TAF15: variants seen among roughly 807,000 people sequenced by gnomAD.
The protein encoded by TAF15 is TATA-binding protein-associated factor 2N.
In TAF15, 37 loss-of-function variants were observed where a neutral mutation model predicts 102.5. That is an observed-to-expected ratio of 0.36 (90% CI 0.28 to 0.47). The LOEUF is 0.47. TAF15 is among the 20% of genes least tolerant of loss of function. The pLI, the probability that TAF15 is intolerant of heterozygous loss-of-function variation, is 0.99. For missense variants in TAF15, 652 were observed against 760.7 expected (o/e 0.86, Z 1.68); for synonymous variants, 273 against 259.2 (o/e 1.05, Z -0.51).
intron 1 of TAF15, among the ~76,000 whole-genome samples, chr17:35,814,628 G>A (rs1369414950): frequency 2.0e-5 from 3 of 151,910 alleles, no homozygotes; most frequent in South Asian, 2.1e-4. Context: ...CGAGGCGGGC[G>A]GTTCACCTGA....
Position 35,812,566 on chromosome 17 carries a change from CAA to C in TAF15, c.7+2991_7+2992del, listed in dbSNP as rs1212716071. On this transcript the variant is annotated intron_variant, in intron 1 of 15. Transcript: ENST00000605844. ...CGCCATTGCACTCCAGCCTGGGGAA[CAA>C]GAGAAACTCTATCTCAAAAAAAAAA... 5.7e-5 allele frequency among the ~76,000 whole-genome samples: 4 copies of C among 70,342 alleles called. No homozygotes were observed. In the Admixed American group the frequency reaches 8.7e-4, roughly 15 times the overall value. 46.1% of individuals were successfully genotyped at this position (70,342 alleles called of 152,430 possible).
chr17:35,844,138 G>A lies in TAF15; in HGVS notation c.1068G>A (p.Gly356=). The change falls in exon 13 of 16, where the codon GGG becomes GGA. Residue 356 remains glycine (G), a synonymous_variant. Transcript: ENST00000605844. ...GGAGAGGTGGAGACCCCAAAAGTGG[G>A]GATTGGGTTTGCCCTAATCCGTAAG... The part of the protein sequence containing the change: ...FQGRGGDPKS[G]DWVCPNPSCG... 1 of 1,614,050 alleles carries A rather than the reference G, an allele frequency of 6.2e-7. No homozygotes were observed. The highest frequency in any genetic ancestry group is 8.5e-7 in the Non-Finnish European group (1 of 1,179,996).
In TAF15 at chr17:35,844,874, C is replaced by G. The variant is rs200860217; in HGVS notation, c.1575C>G (p.Asp525Glu). 6.2e-7 allele frequency: 1 copy of G among 1,609,622 alleles called. No homozygotes were observed. Among genetic ancestry groups the G allele is most frequent in the African/African-American group, 1.4e-5 (1 of 73,408 alleles). The change falls in exon 15 of 16, where the codon GAC becomes GAG. Residue 525 changes from aspartate (D) to glutamate (E), a missense_variant. By Grantham distance (45) the Asp-to-Glu change is conservative (BLOSUM62 2). Transcript: ENST00000605844. The stretch of plus-strand genomic sequence containing the variant: ...GAGATCGAGGAGGCTATGGAGGAGA[C>G]AGAAGCCGGGGGGGCTATGGAGGAG... Reference protein sequence around the residue: ...YGGDRGGYGGDRSRGGYGGDR... With the variant: ...YGGDRGGYGGERSRGGYGGDR...
intron 7 of TAF15, among the ~76,000 whole-genome samples, chr17:35,828,063 T>G (rs550075564): frequency 2.0e-5 from 3 of 152,342 alleles, no homozygotes; most frequent in African/African-American, 7.2e-5. Flanking sequence ...TGCCAGAACT[T>G]AATAAATAAT....
intron 5 of TAF15, among the ~76,000 whole-genome samples, chr17:35,821,015 G>C (rs1236729941): frequency 1.3e-5 from 2 of 152,084 alleles, no homozygotes; most frequent in Non-Finnish European, 2.9e-5. Flanking sequence ...TTTACATTCT[G>C]TGAAATGCTT....
chr17:35,837,199 T>C (rs1023274970), intron 10 of TAF15, among the ~76,000 whole-genome samples: 2 of 152,292 alleles, frequency 1.3e-5, no homozygotes. Flanking sequence ...CCATCCAGGC[T>C]GGAGTACAGT....
intron 7 of TAF15, among the ~76,000 whole-genome samples, chr17:35,830,530 T>TG: frequency 6.6e-6 from 1 of 152,356 alleles, no homozygotes; most frequent in South Asian, 2.1e-4. Context: ...GTAACATTAA[T>TG]GCAGATTTGA....
chr17:35,813,996 T>G (rs2087160135), intron 1 of TAF15, among the ~76,000 whole-genome samples: 1 of 133,824 alleles, frequency 7.5e-6, no homozygotes, highest in Non-Finnish European at 1.6e-5. Flanking sequence ...GTTTTTTTTG[T>G]TGTTGTTGTT....
At chr17:35,833,980 C>G in intron 8 of TAF15, 39 bp downstream of exon 8, 1 of 1,608,728 alleles carries the variant, frequency 6.2e-7, no homozygotes, top group Non-Finnish European at 8.5e-7. Flanking sequence ...AGTGGAAATG[C>G]TATATAAATC....
At chr17:35,814,433 G>T (rs1020142349) in intron 1 of TAF15, among the ~76,000 whole-genome samples, 7 of 151,868 alleles carry the variant, frequency 4.6e-5, no homozygotes, top group Non-Finnish European at 8.8e-5. Flanking sequence ...CTCCCAAAGT[G>T]CTGGGATTAC....
rs2143833368 is a variant in TAF15 at position 35,844,634 on chromosome 17, C to G, written c.1335C>G (p.Gly445=). The change falls in exon 15 of 16, where the codon GGC becomes GGG. Residue 445 remains glycine (G), a synonymous_variant. Coordinates refer to ENST00000605844, the MANE Select transcript of TAF15 (RefSeq NM_139215.3). ...ACAGCGGAGATAGAAGTGGGGGCGGCTATGGTGGAGACAGAAGTGGGGGTG... is the reference window on the plus strand; with the variant it reads ...ACAGCGGAGATAGAAGTGGGGGCGGGTATGGTGGAGACAGAAGTGGGGGTG... ...GGYSGDRSGG[G]YGGDRSGGGY... 1 of 1,565,892 alleles carries G rather than the reference C, an allele frequency of 6.4e-7. No individual in the cohort carries two copies.
intron 7 of TAF15, among the ~76,000 whole-genome samples, chr17:35,831,268 A>T (rs977917934): frequency 6.6e-6 from 1 of 151,890 alleles, no homozygotes; most frequent in Non-Finnish European, 1.5e-5. Context: ...TTAGCCGGGC[A>T]TGGTGGCGGG....
intron 1 of TAF15, among the ~76,000 whole-genome samples, chr17:35,814,615 G>T (rs1349745581): frequency 6.6e-6 from 1 of 152,044 alleles, no homozygotes; most frequent in Non-Finnish European, 1.5e-5. Context: ...CACTTTGGGA[G>T]GCCGAGGCGG....
At chr17:35,815,408 T>G (rs2087183618) in intron 1 of TAF15, among the ~76,000 whole-genome samples, 1 of 152,228 alleles carries the variant, frequency 6.6e-6, no homozygotes, top group East Asian at 1.9e-4. Context: ...GGGACAGATT[T>G]ACTAGTCAGT....
chr17:35,834,712 G>C, intron 9 of TAF15, 114 bp downstream of exon 9: 1 of 762,790 alleles, frequency 1.3e-6, no homozygotes, highest in Non-Finnish European at 2.2e-6. Context: ...TAATTTGATA[G>C]TGCTGCCAGA....
rs945704524 is a variant in TAF15, at chr17:35,810,106, C to T, written c.7+530C>T. 8 of 206,124 alleles carry T rather than the reference C, an allele frequency of 3.9e-5. No homozygotes were observed. In the Admixed American group the frequency reaches 4.3e-4, roughly 11 times the overall value. The allele number at this position is 206,124 out of a possible 1,614,324, so 12.8% of individuals were successfully genotyped here. The stretch of plus-strand genomic sequence containing the variant: ...CTGGGAGCCCTTTCAAAGGACGTTG[C>T]CTTACACGAAATCGTACTTATCGTT... On this transcript the variant is annotated intron_variant, in intron 1 of 15. Transcript: ENST00000605844.
At chr17:35,824,865 T>A (rs2087307067) in intron 7 of TAF15, among the ~76,000 whole-genome samples, 2 of 152,166 alleles carry the variant, frequency 1.3e-5, no homozygotes, top group Non-Finnish European at 2.9e-5. Context: ...GCATATGTTA[T>A]GAAGCTGGTT....
chr17:35,834,323 A>G, intron 8 of TAF15: 1 of 506,732 alleles, frequency 2.0e-6, no homozygotes, highest in Non-Finnish European at 3.5e-6. Context: ...AAGTGATACT[A>G]GCATAATGCT....
chr17:35,825,864 G>A (rs1367202355), intron 7 of TAF15, among the ~76,000 whole-genome samples: 1 of 152,052 alleles, frequency 6.6e-6, no homozygotes, highest in African/African-American at 2.4e-5. Context: ...TGAGGCAGGA[G>A]AATGTTGTGA....
Sources: allele counts gnomAD v4.1 joint callset (sites outside exome capture counted in the v4.1 genomes callset), GRCh38; gene constraint gnomAD v4.1.1; transcripts MANE v1.5; gene names NCBI Gene and HGNC (gene_info 2026-07-23, HGNC 2026-07-21).